Variants in BAALC observed in about 807,000 individuals in gnomAD.
BAALC encodes BAALC binder of MAP3K1 and KLF4.
BAALC carries 9 observed loss-of-function variants against 15.5 expected under a neutral mutation model. The ratio of observed to expected loss-of-function variants is 0.58; its 90% CI spans 0.35 to 1.02. The LOEUF (loss-of-function observed/expected upper bound fraction) is 1.02. BAALC is among the 50% of genes least tolerant of loss of function. The pLI is 0.02. For missense variants in BAALC, 201 were observed against 192.4 expected, an observed-to-expected ratio of 1.04 and a Z score of -0.27; for synonymous variants, 80 against 74.6, an observed-to-expected ratio of 1.07 and a Z score of -0.37.
intron 1 of BAALC, among the ~76,000 whole-genome samples, chr8:103,194,416 C>T (rs1484654091): frequency 2.6e-5 from 4 of 152,170 alleles, no homozygotes; most frequent in African/African-American, 9.7e-5. Context: ...GTGAATTTAT[C>T]ATTTTCTCTC....
intron 1 of BAALC, among the ~76,000 whole-genome samples, chr8:103,210,042 T>C (rs140002104): frequency 1.2e-4 from 19 of 152,262 alleles, no homozygotes; most frequent in African/African-American, 4.6e-4. Flanking sequence ...CTTCTGCAGG[T>C]GTACACTGCC....
rs749804867 is a variant in BAALC at position 103,213,004 on chromosome 8, C to T, written c.246C>T (p.Asn82=). 9 of 1,614,052 alleles carry T rather than the reference C, an allele frequency of 5.6e-6. No individual in the cohort carries two copies. Among genetic ancestry groups the T allele is most frequent in the South Asian group, 1.1e-5 (1 of 91,092 alleles). ...TACCCAACCCAGAGAAGAAGACGAA[C>T]TGTGAGACCCAGTGCCCAAATCCCC... is the stretch of plus-strand genomic sequence containing the variant. ...GGIPNPEKKT[N]CETQCPNPQS... Residue 82 remains asparagine (N), a synonymous_variant, in exon 2 of 3, where the codon AAC becomes AAT. Coordinates refer to ENST00000309982, the MANE Select transcript of BAALC (RefSeq NM_024812.3).
At chr8:103,163,919 A>T (rs1258923929) in intron 1 of BAALC, among the ~76,000 whole-genome samples, 1 of 152,208 alleles carries the variant, frequency 6.6e-6, no homozygotes, top group Non-Finnish European at 1.5e-5. Flanking sequence ...GGGCTGGAGC[A>T]GTGGACAAGA....
chr8:103,212,403 A>G (rs111325801), intron 1 of BAALC, among the ~76,000 whole-genome samples: 175 of 152,290 alleles, frequency 1.1e-3, no homozygotes, highest in African/African-American at 3.9e-3. Flanking sequence ...AACTATGATC[A>G]TGCCACTACA....
intron 1 of BAALC, chr8:103,183,275 G>A (rs1039035768): frequency 4.3e-6 from 3 of 691,654 alleles, no homozygotes; most frequent in Admixed American, 2.0e-5. Context: ...TCCCAAAGAT[G>A]ATGGGAAGTG....
intron 2 of BAALC, among the ~76,000 whole-genome samples, chr8:103,215,177 A>G (rs980509145): frequency 1.3e-5 from 2 of 152,112 alleles, no homozygotes; most frequent in African/African-American, 4.8e-5. Context: ...TCACTTTAAA[A>G]TTATGTTTTG....
intron 1 of BAALC, among the ~76,000 whole-genome samples, chr8:103,148,941 T>G (rs1563633632): frequency 6.6e-6 from 1 of 152,224 alleles, no homozygotes; most frequent in Non-Finnish European, 1.5e-5. Flanking sequence ...ATTTACTATA[T>G]GTGAGAATTT....
At chr8:103,213,997 T>A (rs1040802824) in intron 2 of BAALC, among the ~76,000 whole-genome samples, 4 of 152,044 alleles carry the variant, frequency 2.6e-5, no homozygotes, top group Non-Finnish European at 5.9e-5. Context: ...AAAGATAGGG[T>A]TTAGGGCTAT....
At chr8:103,158,570 A>G (rs1811151855) in intron 1 of BAALC, among the ~76,000 whole-genome samples, 1 of 152,194 alleles carries the variant, frequency 6.6e-6, no homozygotes, top group Non-Finnish European at 1.5e-5. Context: ...CTTGAATGTA[A>G]GCACCATGAT....
At chr8:103,151,915 C>T (rs1810995368) in intron 1 of BAALC, among the ~76,000 whole-genome samples, 1 of 152,064 alleles carries the variant, frequency 6.6e-6, no homozygotes, top group African/African-American at 2.4e-5. Context: ...ACAAGGTTGC[C>T]CCTTGTTGTA....
At chr8:103,199,076 A>T (rs767910629) in intron 1 of BAALC, among the ~76,000 whole-genome samples, 8 of 152,226 alleles carry the variant, frequency 5.3e-5, no homozygotes, top group Non-Finnish European at 8.8e-5. Context: ...GGCTACATTG[A>T]TTATATTTTT....
intron 1 of BAALC, among the ~76,000 whole-genome samples, chr8:103,175,121 A>T (rs1281520549): frequency 6.6e-6 from 1 of 152,138 alleles, no homozygotes; most frequent in Admixed American, 6.5e-5. Context: ...AACAGTTGAA[A>T]GCCCAGAGAA....
At chr8:103,180,852 G>T (rs1811710623) in intron 1 of BAALC, among the ~76,000 whole-genome samples, 1 of 152,224 alleles carries the variant, frequency 6.6e-6, no homozygotes, top group Admixed American at 6.5e-5. Context: ...TTGAATTCAG[G>T]TGACTCTGGA....
At chr8:103,200,620 T>C (rs759722163) in intron 1 of BAALC, 42 of 652,984 alleles carry the variant, frequency 6.4e-5, no homozygotes, top group Middle Eastern at 3.1e-4. Context: ...ATACCTATAC[T>C]GGATAATTTA....
At chr8:103,174,432 C>T (rs1171005120) in intron 1 of BAALC, among the ~76,000 whole-genome samples, 1 of 152,170 alleles carries the variant, frequency 6.6e-6, no homozygotes, top group Admixed American at 6.5e-5. Flanking sequence ...TTCACAGACT[C>T]ATAGCATGGC....
intron 1 of BAALC, among the ~76,000 whole-genome samples, chr8:103,145,025 TCTATCCATTTCCAAAGCCTCTACTC>T (rs1810850562): frequency 2.0e-5 from 3 of 152,224 alleles, no homozygotes; most frequent in African/African-American, 7.2e-5. Flanking sequence ...GGAATCTAGT[TCTATCCATTTCCAAAGCCTCTACTC>T]CTAAATACTG....
At chr8:103,155,445 G>C (rs1357975343) in intron 1 of BAALC, among the ~76,000 whole-genome samples, 1 of 152,218 alleles carries the variant, frequency 6.6e-6, no homozygotes, top group African/African-American at 2.4e-5. Context: ...GGGAGCTCTG[G>C]AGCTGGGATG....
intron 1 of BAALC, among the ~76,000 whole-genome samples, chr8:103,200,449 A>C (rs1261709369): frequency 6.6e-6 from 1 of 152,172 alleles, no homozygotes; most frequent in Non-Finnish European, 1.5e-5. Flanking sequence ...TGAAAAGGCT[A>C]GTTGTACTAA....
At chr8:103,156,774 C>A (rs1002215665) in intron 1 of BAALC, among the ~76,000 whole-genome samples, 1 of 152,194 alleles carries the variant, frequency 6.6e-6, no homozygotes, top group Non-Finnish European at 1.5e-5. Flanking sequence ...TGAGTCTGGG[C>A]AGCTGATGAA....
Sources: allele counts gnomAD v4.1 joint callset (sites outside exome capture counted in the v4.1 genomes callset), GRCh38; gene constraint gnomAD v4.1.1; transcripts MANE v1.5; gene names NCBI Gene and HGNC (gene_info 2026-07-23, HGNC 2026-07-21).